The following FTO variants were observed in gnomAD, a reference collection of about 807,000 sequenced individuals.
FTO encodes the protein alpha-ketoglutarate-dependent dioxygenase FTO.
In FTO, 47 loss-of-function variants were observed where a neutral mutation model predicts 63.9. The ratio of observed to expected loss-of-function variants is 0.74; its 90% CI spans 0.58 to 0.94. FTO has a LOEUF of 0.94. Among genes scored for constraint, FTO ranks in the 40% least tolerant of loss-of-function variants. FTO has a pLI of 0.00. For synonymous variants in FTO, 207 were observed against 224.4 expected (o/e 0.92, Z 0.69); for missense variants, 562 against 618.1 (o/e 0.91, Z 0.96).
At chr16:53,787,204 G>A (rs922279936) in intron 1 of FTO, among the ~76,000 whole-genome samples, 24 of 148,420 alleles carry the variant, frequency 1.6e-4, no homozygotes, top group South Asian at 2.2e-4. Context: ...GGGCAGCAGC[G>A]TTTGCTTTAC....
In FTO at chr16:53,875,272, C is replaced by T. The variant is rs1381434396; in HGVS notation, c.975+1407C>T. Among the ~76,000 whole-genome samples, 5 of 152,260 alleles carry T rather than the reference C, an allele frequency of 3.3e-5. No homozygotes were observed. In the East Asian group the frequency reaches 5.8e-4, roughly 18 times the overall value. The stretch of plus-strand genomic sequence containing the variant: ...ACTTGAGTATATGGCTACTTAAGTG[C>T]GCCCTTCTACGTCTTTCCTAATCTA... On this transcript the variant is annotated intron_variant, in intron 5 of 8. Transcript: ENST00000471389.
At chr16:54,040,395 A>G (rs1445352283) in intron 8 of FTO, 1 of 152,234 alleles carries the variant, frequency 6.6e-6, no homozygotes, top group Non-Finnish European at 1.5e-5. Context: ...CAACACACAG[A>G]TTATTTGAAA....
chr16:53,828,248 C>T (rs905346361), intron 3 of FTO, among the ~76,000 whole-genome samples: 2 of 152,058 alleles, frequency 1.3e-5, no homozygotes, highest in Non-Finnish European at 2.9e-5. Context: ...GAGACGGGGT[C>T]TCGCTCTGTC....
chr16:53,816,499 A>AC (rs5816908), intron 2 of FTO, among the ~76,000 whole-genome samples: 1 of 138,232 alleles, frequency 7.2e-6, no homozygotes, highest in South Asian at 2.3e-4. Flanking sequence ...CCCACTCCCC[A>AC]CCCCCCCTCA....
intron 8 of FTO, among the ~76,000 whole-genome samples, chr16:53,938,067 A>G (rs1488439024): frequency 1.3e-5 from 2 of 152,164 alleles, no homozygotes; most frequent in Non-Finnish European, 2.9e-5. Flanking sequence ...TGCCTGCTTC[A>G]TTTCAGTGAT....
chr16:53,979,947 A>G (rs2083505687), intron 8 of FTO, among the ~76,000 whole-genome samples: 1 of 152,190 alleles, frequency 6.6e-6, no homozygotes, highest in Non-Finnish European at 1.5e-5. Context: ...GCCAAAGCAC[A>G]TTGGCTTATT....
chr16:53,781,771 C>G (rs1028635266), intron 1 of FTO, among the ~76,000 whole-genome samples: 2 of 151,556 alleles, frequency 1.3e-5, no homozygotes, highest in Non-Finnish European at 2.9e-5. Context: ...GGGGGCTTCA[C>G]TGATGCATTC....
intron 8 of FTO, among the ~76,000 whole-genome samples, chr16:54,059,779 C>A (rs1194756811): frequency 6.6e-6 from 1 of 152,232 alleles, no homozygotes; most frequent in Non-Finnish European, 1.5e-5. Flanking sequence ...GAGCTACTCT[C>A]TATCTGTCAG....
chr16:53,819,241 C>T (rs1054270772), intron 2 of FTO, among the ~76,000 whole-genome samples: 2 of 152,164 alleles, frequency 1.3e-5, no homozygotes, highest in Admixed American at 1.3e-4. Flanking sequence ...CAGGCTTAGG[C>T]TCACTTCAGC....
At chr16:54,038,375 C>T (rs1210842748) in intron 8 of FTO, among the ~76,000 whole-genome samples, 2 of 152,182 alleles carry the variant, frequency 1.3e-5, no homozygotes, top group African/African-American at 4.8e-5. Flanking sequence ...CAGTGAAGTT[C>T]CTTCTGCTGC....
intron 8 of FTO, among the ~76,000 whole-genome samples, chr16:53,995,579 C>G (rs1350963015): frequency 6.6e-6 from 1 of 152,208 alleles, no homozygotes; most frequent in Non-Finnish European, 1.5e-5. Flanking sequence ...GGCAGGCATG[C>G]TTTGTCTGCT....
intron 8 of FTO, among the ~76,000 whole-genome samples, chr16:54,079,710 G>A (rs559323009): frequency 4.5e-4 from 69 of 152,126 alleles, no homozygotes; most frequent in Non-Finnish European, 8.4e-4. Flanking sequence ...GAGAGAGCCT[G>A]GACGAGTTTC....
intron 1 of FTO, among the ~76,000 whole-genome samples, chr16:53,776,206 C>T (rs938967116): frequency 6.6e-6 from 1 of 152,168 alleles, no homozygotes; most frequent in Non-Finnish European, 1.5e-5. Flanking sequence ...GTTTGCCAGG[C>T]TGGATGAGCT....
At chr16:54,015,129 T>A (rs1410178166) in intron 8 of FTO, among the ~76,000 whole-genome samples, 1 of 152,090 alleles carries the variant, frequency 6.6e-6, no homozygotes, top group Non-Finnish European at 1.5e-5. Flanking sequence ...CTTCCTAAAG[T>A]GCTGGGATTG....
intron 8 of FTO, among the ~76,000 whole-genome samples, chr16:54,036,154 A>G (rs1174967122): frequency 6.6e-6 from 1 of 152,210 alleles, no homozygotes; most frequent in Non-Finnish European, 1.5e-5. Context: ...AAAGCACAAA[A>G]AAAGCTCATG....
intron 8 of FTO, among the ~76,000 whole-genome samples, chr16:54,004,610 A>G (rs1335376305): frequency 1.3e-5 from 2 of 152,176 alleles, no homozygotes; most frequent in Non-Finnish European, 2.9e-5. Flanking sequence ...ACCGCATGCC[A>G]TTTAATGAGT....
chr16:54,041,572 G>A (rs1203711873), intron 8 of FTO, among the ~76,000 whole-genome samples: 1 of 152,168 alleles, frequency 6.6e-6, no homozygotes, highest in African/African-American at 2.4e-5. Context: ...AAGGAAGGAA[G>A]ATTTCCACTG....
chr16:53,863,719 C>T (rs1290960120), intron 4 of FTO, among the ~76,000 whole-genome samples: 2 of 152,350 alleles, frequency 1.3e-5, no homozygotes, highest in South Asian at 2.1e-4. Context: ...AGGCAAGAGC[C>T]TTGCTCTCTG....
At chr16:54,006,237 T>C (rs2084201354) in intron 8 of FTO, among the ~76,000 whole-genome samples, 1 of 152,226 alleles carries the variant, frequency 6.6e-6, no homozygotes, top group Non-Finnish European at 1.5e-5. Flanking sequence ...TCTCCCCTTA[T>C]TTCAACAGAT....
Sources: gnomAD v4.1 joint callset for allele counts (sites outside exome capture counted in the v4.1 genomes callset) on GRCh38, gnomAD v4.1.1 for gene constraint, MANE v1.5 for transcripts, NCBI Gene and HGNC (gene_info 2026-07-23, HGNC 2026-07-21) for gene names.